F12: variants seen among roughly 807,000 people sequenced by gnomAD.
F12 encodes the protein coagulation factor XII.
In F12, 70 loss-of-function variants were observed where a neutral mutation model predicts 74.8. That is an observed-to-expected ratio of 0.94 (90% CI 0.77 to 1.14). F12 has a LOEUF of 1.14. Ranked by LOEUF, F12 falls within the 50% of genes most tolerant of loss-of-function variation. F12 has a pLI of 0.00. For missense variants in F12, 811 were observed against 835.7 expected (o/e 0.97, Z 0.36); for synonymous variants, 373 against 356.4 (o/e 1.05, Z -0.52).
At position 177,404,638 on chromosome 5, in the gene F12, G is replaced by A. The variant is rs1481402150; in HGVS notation, c.661C>T (p.Arg221Cys). Residue 221 changes from arginine to cysteine, a missense_variant, in exon 8 of 14, where the codon CGC becomes TGC. Coordinates refer to ENST00000253496, the MANE Select transcript of F12 (RefSeq NM_000505.4). ...VDTKASCYDG[R>C]GLSYRGLART... ...GCCAGGCCGCGGTAGCTGAGCCCGCGGCCATCATAGCAGCTTGCCTTGGTG... is the reference window on the plus strand; with the variant it reads ...GCCAGGCCGCGGTAGCTGAGCCCGCAGCCATCATAGCAGCTTGCCTTGGTG... 6.2e-7 allele frequency: 1 copy of A among 1,606,812 alleles called. No homozygotes were observed. The highest frequency in any genetic ancestry group is 8.5e-7 in the Non-Finnish European group (1 of 1,179,776).
intron 9 of F12, 50 bp from the exon 10 acceptor site, chr5:177,404,140 G>T: frequency 6.3e-7 from 1 of 1,586,162 alleles, no homozygotes. Flanking sequence ...CGGCTGGCCG[G>T]AATCTAGCTC....
intron 4 of F12, 133 bp downstream of exon 4, chr5:177,405,602 C>T: frequency 8.3e-7 from 1 of 1,211,598 alleles, no homozygotes; most frequent in Non-Finnish European, 1.2e-6. Flanking sequence ...TCCCTCTGGA[C>T]TTCCAAAGGG....
Position 177,403,313 on chromosome 5 carries a change from G to A in F12, c.1472C>T (p.Ala491Val), listed in dbSNP as rs756213865. 11 of 1,599,380 alleles carry A rather than the reference G, an allele frequency of 6.9e-6. No individual in the cohort carries two copies. Among genetic ancestry groups the A allele is most frequent in the African/African-American group, 1.3e-5 (1 of 74,904 alleles). Reference sequence around the variant, plus strand: ...GAGCGTGGTCTCGGAGGGTCGCGCGGCGCCGCTTGGCAGGCACACCGGCTG... The same window carrying A: ...GAGCGTGGTCTCGGAGGGTCGCGCGACGCCGCTTGGCAGGCACACCGGCTG... The part of the protein sequence containing the change: ...YVQPVCLPSG[A>V]ARPSETTLCQ... The change falls in exon 12 of 14, where the codon GCC (alanine) becomes GTC (valine). Residue 491 changes from alanine to valine, a missense_variant. Physicochemically the swap from Ala to Val is moderately conservative, Grantham distance 64. Transcript: ENST00000253496.
At position 177,404,362 on chromosome 5, in the gene F12, C is replaced by T. The variant is rs1053549256; in HGVS notation, c.852G>A (p.Arg284=). 33 of 1,611,656 alleles carry T rather than the reference C, an allele frequency of 2.0e-5. No individual in the cohort carries two copies. The East Asian group carries it at 6.5e-4, about 32-fold the overall frequency. The part of the protein sequence containing the change: ...RPWCFVLNRD[R]LSWEYCDLAQ... ...CCAGGTCGCAGTACTCCCAGCTCAG[C>T]CGGTCGCGGTTCAGCACGAAGCACC... The change falls in exon 9 of 14, where the codon CGG becomes CGA. Residue 284 remains arginine (R), a synonymous_variant. Transcript: ENST00000253496.
Position 177,403,624 on chromosome 5 carries a change from G to T in F12, c.1251-7C>A, listed in dbSNP as rs375340260. The T allele has an allele frequency of 8.1e-6, 13 of 1,602,536 alleles. No individual in the cohort carries two copies. The highest frequency in any genetic ancestry group is 4.5e-5 in the East Asian group (2 of 44,766). ...CAGATCCTCGGGTGCGGGCCTGCGGGGGGGGTAGGGGAGAGGCAGCGCTCT... is the reference window on the plus strand; with the variant it reads ...CAGATCCTCGGGTGCGGGCCTGCGGTGGGGGTAGGGGAGAGGCAGCGCTCT... On this transcript the variant is annotated splice_polypyrimidine_tract_variant and splice_region_variant and intron_variant, in intron 10 of 13. Coordinates refer to ENST00000253496, the MANE Select transcript of F12 (RefSeq NM_000505.4).
At position 177,403,829 on chromosome 5, in the gene F12, TGGGGCGGCTCTGGGCGGGC is replaced by T. The variant is rs1763208890; in HGVS notation, c.1250+11_1250+29del. 12 of 1,487,998 alleles carry T rather than the reference TGGGGCGGCTCTGGGCGGGC, an allele frequency of 8.1e-6. No homozygotes were observed. The highest frequency in any genetic ancestry group is 1.1e-5 in the Non-Finnish European group (12 of 1,118,374). 92.2% of individuals were successfully genotyped at this position (1,487,998 alleles called of 1,614,324 possible). On this transcript the variant is annotated intron_variant, in intron 10 of 13. Transcript: ENST00000253496. ...TGGGAGACGGAGGAGCCGCGGCCCC[TGGGGCGGCTCTGGGCGGGC>T]GGGTACTCGCCGGTCCTGCAGGCAG... is the stretch of plus-strand genomic sequence containing the variant.
At position 177,405,782 on chromosome 5, in the gene F12, T is replaced by C. The variant is rs754983141; in HGVS notation, c.239A>G (p.Asp80Gly). Residue 80 changes from aspartate (D) to glycine (G), a missense_variant, in exon 4 of 14, where the codon GAT (aspartate) becomes GGT (glycine). Coordinates refer to ENST00000253496, the MANE Select transcript of F12 (RefSeq NM_000505.4). ...ACAGTATCCCCATCGCTGGTCCTGA[T>C]CAAAGTTGGGGGTGGTAGCACACCT... ...QPWCATTPNFDQDQRWGYCLE... is the reference protein window; with the variant it reads ...QPWCATTPNFGQDQRWGYCLE... 6.8e-6 allele frequency: 11 copies of C among 1,614,034 alleles called. No homozygotes were observed. The South Asian group carries it at 1.2e-4, about 18-fold the overall frequency.
chr5:177,405,059 C>G lies in F12; in HGVS notation c.524G>C (p.Ser175Thr), dbSNP rs1450462516. The G allele has an allele frequency of 8.1e-6, 13 of 1,612,270 alleles. 1 individual carries two copies. In the East Asian group the frequency reaches 2.9e-4, roughly 36 times the overall value. ...GTTCCCAACCATCTGCTCACCCTGG[C>G]TGGCCAGCCGCTGGCAGTGGGCATC... ...GPDAHCQRLA[S>T]QACRTNPCLH... is the part of the protein sequence containing the mutation. The change falls in exon 6 of 14, where the codon AGC becomes ACC. Residue 175 changes from serine to threonine, a missense_variant. Transcript: ENST00000253496.
Position 177,402,603 on chromosome 5 carries a change from G to T in F12, c.1627C>A (p.Leu543Ile). 1.2e-6 allele frequency: 2 copies of T among 1,613,194 alleles called. No individual in the cohort carries two copies. The highest frequency in any genetic ancestry group is 2.7e-5 in the African/African-American group (2 of 75,060). The change falls in exon 13 of 14, where the codon CTC becomes ATC. Residue 543 changes from leucine (L) to isoleucine (I), a missense_variant. Coordinates refer to ENST00000253496, the MANE Select transcript of F12 (RefSeq NM_000505.4). ...SAPDVHGSSI[L>I]PGMLCAGFLE... ...AACCCTGCGCAGAGCATGCCGGGGA[G>T]GATGGAGGATCCGTGCACGTCCGGG...
In F12 at chr5:177,405,975, C is replaced by T. The variant is rs199770931; in HGVS notation, c.202G>A (p.Gly68Ser). The change falls in exon 3 of 14, where the codon GGC becomes AGC. Residue 68 changes from glycine (G) to serine (S), a missense_variant. By Grantham distance (56) the Gly-to-Ser change is moderately conservative. Coordinates refer to ENST00000253496, the MANE Select transcript of F12 (RefSeq NM_000505.4). ...GCGTAGTCTTACCAGGGCTGAGGGCCTGGCCGGCCCTTGTGGGTACATTTG... is the reference window on the plus strand; with the variant it reads ...GCGTAGTCTTACCAGGGCTGAGGGCTTGGCCGGCCCTTGTGGGTACATTTG... Reference protein sequence around the residue: ...YHKCTHKGRPGPQPWCATTPN... With the variant: ...YHKCTHKGRPSPQPWCATTPN... 3.7e-5 allele frequency: 60 copies of T among 1,613,956 alleles called. No homozygotes were observed. Among genetic ancestry groups the T allele is most frequent in the Non-Finnish European group, 5.1e-6 (6 of 1,180,022 alleles).
intron 2 of F12, among the ~76,000 whole-genome samples, chr5:177,406,361 T>C (rs17876044): frequency 0.021 from 3,193 of 152,072 alleles, 45 homozygotes; most frequent in African/African-American, 0.028. Flanking sequence ...TGGTGGCAGG[T>C]GCCTGTAGTC....
chr5:177,403,325 A>T lies in F12; in HGVS notation c.1460T>A (p.Leu487Gln). The T allele has an allele frequency of 6.3e-7, 1 of 1,599,404 alleles. No homozygotes were observed. Among genetic ancestry groups the T allele is most frequent in the Non-Finnish European group, 8.5e-7 (1 of 1,179,734 alleles). The part of the protein sequence containing the change: ...LLSPYVQPVC[L>Q]PSGAARPSET... Reference sequence around the variant, plus strand: ...GGAGGGTCGCGCGGCGCCGCTTGGCAGGCACACCGGCTGAACGTAAGGCGA... The same window carrying T: ...GGAGGGTCGCGCGGCGCCGCTTGGCTGGCACACCGGCTGAACGTAAGGCGA... Residue 487 changes from leucine to glutamine, a missense_variant, in exon 12 of 14, where the codon CTG becomes CAG. By Grantham distance (113) the Leu-to-Gln change is moderately radical. Coordinates refer to ENST00000253496, the MANE Select transcript of F12 (RefSeq NM_000505.4).
At chr5:177,405,689 G>A in intron 4 of F12, 46 bp downstream of exon 4, 1 of 1,576,460 alleles carries the variant, frequency 6.3e-7, no homozygotes, top group South Asian at 1.1e-5. Context: ...GAGTAATGAG[G>A]CGGGAGGAGA....
rs1763168687 is a variant in F12 at position 177,402,655 on chromosome 5, C to A, written c.1575G>T (p.Pro525=). 6.2e-7 allele frequency: 1 copy of A among 1,612,782 alleles called. No homozygotes were observed. The highest frequency in any genetic ancestry group is 8.5e-7 in the Non-Finnish European group (1 of 1,180,022). The part of the protein sequence containing the change: ...YASFLQEAQV[P]FLSLERCSAP... Reference sequence around the variant, plus strand: ...CTGAGCAGCGCTCCAGGGAGAGGAACGGTACCTGCGCCTCCTGCAGGAAGC... The same window carrying A: ...CTGAGCAGCGCTCCAGGGAGAGGAAAGGTACCTGCGCCTCCTGCAGGAAGC... Residue 525 remains proline (P), a synonymous_variant, in exon 13 of 14, where the codon CCG becomes CCT. Coordinates refer to ENST00000253496, the MANE Select transcript of F12 (RefSeq NM_000505.4).
intron 10 of F12, 116 bp from the exon 11 acceptor site, chr5:177,403,733 G>A (rs1561640443): frequency 1.3e-6 from 2 of 1,493,388 alleles, no homozygotes; most frequent in African/African-American, 1.4e-5. Context: ...GGGAGCTCCG[G>A]AGGGGCGTGG....
rs1763283934 is a variant in F12 at position 177,406,077 on chromosome 5, A to T, written c.116-16T>A. 1 of 1,609,122 alleles carries T rather than the reference A, an allele frequency of 6.2e-7. No homozygotes were observed. Among genetic ancestry groups the T allele is most frequent in the Non-Finnish European group, 8.5e-7 (1 of 1,175,826 alleles). ...ACAGTGAGAACTGCAGGGACAACAC[A>T]CTCTCTGAGGACTTCCCCTGTACTC... On this transcript the variant is annotated splice_polypyrimidine_tract_variant and intron_variant, in intron 2 of 13. Transcript: ENST00000253496.
chr5:177,404,622 C>T lies in F12; in HGVS notation c.677G>A (p.Arg226His). 2 of 1,606,330 alleles carry T rather than the reference C, an allele frequency of 1.2e-6. No individual in the cohort carries two copies. Among genetic ancestry groups the T allele is most frequent in the Non-Finnish European group, 8.5e-7 (1 of 1,179,306 alleles). Residue 226 changes from arginine (R) to histidine (H), a missense_variant, in exon 8 of 14, where the codon CGC becomes CAC. Coordinates refer to ENST00000253496, the MANE Select transcript of F12 (RefSeq NM_000505.4). Reference protein sequence around the residue: ...SCYDGRGLSYRGLARTTLSGA... With the variant: ...SCYDGRGLSYHGLARTTLSGA... ...CGAGAGCGTGGTCCTGGCCAGGCCG[C>T]GGTAGCTGAGCCCGCGGCCATCATA... is the stretch of plus-strand genomic sequence containing the variant.
intron 6 of F12, 63 bp downstream of exon 6, chr5:177,404,991 C>G: frequency 3.1e-6 from 5 of 1,594,360 alleles, no homozygotes; most frequent in Non-Finnish European, 4.3e-6. Context: ...GCACACCACC[C>G]GGCCTCCTGC....
chr5:177,406,250 A>T (rs574043519), intron 2 of F12, among the ~76,000 whole-genome samples, 189 bp from the exon 3 acceptor site: 2 of 152,306 alleles, frequency 1.3e-5, no homozygotes, highest in South Asian at 2.1e-4. Flanking sequence ...GCACTTTGGG[A>T]GGCCAAGGCG....
Sources: gnomAD v4.1 joint callset for allele counts (sites outside exome capture counted in the v4.1 genomes callset) on GRCh38, gnomAD v4.1.1 for gene constraint, MANE v1.5 for transcripts, NCBI Gene and HGNC (gene_info 2026-07-23, HGNC 2026-07-21) for gene names.